DPF3: variants seen among roughly 807,000 people sequenced by gnomAD.
DPF3 encodes zinc finger protein DPF3.
A neutral mutation model predicts 56.8 loss-of-function variants in DPF3; 18 were observed. The observed-to-expected ratio is 0.32, with a 90% confidence interval of 0.22 to 0.47. DPF3 has a LOEUF of 0.47. Ranked by LOEUF, DPF3 falls within the 20% of genes least tolerant of loss-of-function variation. The pLI, the probability that DPF3 is intolerant of heterozygous loss-of-function variation, is 1.00. For missense variants in DPF3, 403 were observed against 488.8 expected, an observed-to-expected ratio of 0.82 and a Z score of 1.65; for synonymous variants, 188 against 180.2, an observed-to-expected ratio of 1.04 and a Z score of -0.35.
chr14:72,749,179 A>G (rs552313271), intron 3 of DPF3, among the ~76,000 whole-genome samples: 21 of 152,382 alleles, frequency 1.4e-4, no homozygotes, highest in South Asian at 8.3e-4. Flanking sequence ...GAGTTGCCCA[A>G]GATCATGGGA....
chr14:72,742,367 T>C (rs1021538100), intron 3 of DPF3: 2 of 152,194 alleles, frequency 1.3e-5, no homozygotes, highest in Non-Finnish European at 1.5e-5. Context: ...AGCCGGAGCG[T>C]CCTTCCCCCT....
At chr14:72,781,356 A>G (rs1026823776) in intron 1 of DPF3, among the ~76,000 whole-genome samples, 5 of 152,332 alleles carry the variant, frequency 3.3e-5, no homozygotes, top group African/African-American at 4.8e-5. Context: ...CCTTCAAAAC[A>G]TCTCAGGAAG....
intron 1 of DPF3, chr14:72,892,110 G>C (rs1886775308): frequency 3.3e-6 from 5 of 1,510,464 alleles, no homozygotes; most frequent in Admixed American, 2.1e-5. Context: ...CGGGCTCCCG[G>C]GTAACTAGGG....
intron 8 of DPF3, among the ~76,000 whole-genome samples, chr14:72,638,161 G>T (rs1885439136): frequency 6.6e-6 from 1 of 152,224 alleles, no homozygotes; most frequent in African/African-American, 2.4e-5. Flanking sequence ...AGGGTCATCG[G>T]TATGAGCAAC....
intron 1 of DPF3, among the ~76,000 whole-genome samples, chr14:72,812,713 G>A (rs1284648983): frequency 1.3e-5 from 2 of 152,238 alleles, no homozygotes; most frequent in South Asian, 2.1e-4. Flanking sequence ...CACTTGTCAT[G>A]TACACTTTTT....
intron 1 of DPF3, among the ~76,000 whole-genome samples, chr14:72,862,401 C>T (rs1854027844): frequency 6.6e-6 from 1 of 152,156 alleles, no homozygotes; most frequent in South Asian, 2.1e-4. Flanking sequence ...TTGTCACATC[C>T]TACTTTCAAT....
At chr14:72,710,581 G>T (rs1208856363) in intron 6 of DPF3, among the ~76,000 whole-genome samples, 1 of 152,208 alleles carries the variant, frequency 6.6e-6, no homozygotes, top group African/African-American at 2.4e-5. Context: ...GAAAATGCAG[G>T]CCCCTTGGCC....
At chr14:72,731,173 AAAAAAG>A (rs533662744) in intron 4 of DPF3, among the ~76,000 whole-genome samples, 27 of 151,938 alleles carry the variant, frequency 1.8e-4, no homozygotes, top group African/African-American at 1.9e-4. Flanking sequence ...CTCTGTCTCA[AAAAAAG>A]AAAAAGAAAA....
intron 9 of DPF3, among the ~76,000 whole-genome samples, chr14:72,629,311 C>T (rs1032713200): frequency 1.3e-5 from 2 of 152,140 alleles, no homozygotes; most frequent in East Asian, 3.8e-4. Context: ...TTCTCTCTGC[C>T]TTTGTATATG....
chr14:72,652,466 G>A (rs1056975420), intron 8 of DPF3, among the ~76,000 whole-genome samples: 10 of 152,190 alleles, frequency 6.6e-5, no homozygotes, highest in Non-Finnish European at 1.3e-4. Flanking sequence ...GTGCTGGGGG[G>A]AGGCGGGGTA....
At chr14:72,782,372 C>T (rs564905216) in intron 1 of DPF3, among the ~76,000 whole-genome samples, 5 of 152,202 alleles carry the variant, frequency 3.3e-5, no homozygotes, top group East Asian at 3.9e-4. Flanking sequence ...TACAGACACA[C>T]GCCACCACAC....
intron 9 of DPF3, among the ~76,000 whole-genome samples, chr14:72,620,468 G>C (rs924625550): frequency 5.3e-5 from 8 of 152,222 alleles, no homozygotes; most frequent in Non-Finnish European, 2.9e-5. Flanking sequence ...GGTTTCATTA[G>C]AATGTAGAAA....
intron 1 of DPF3, among the ~76,000 whole-genome samples, chr14:72,866,010 G>A (rs1885647716): frequency 6.6e-6 from 1 of 152,130 alleles, no homozygotes; most frequent in African/African-American, 2.4e-5. Flanking sequence ...TCACTCCATT[G>A]CACTCCAGCC....
chr14:72,799,836 A>T (rs982313491), intron 1 of DPF3, among the ~76,000 whole-genome samples: 4 of 152,174 alleles, frequency 2.6e-5, no homozygotes, highest in African/African-American at 9.7e-5. Context: ...GGAGCCACCC[A>T]TCAAGCAGGC....
intron 9 of DPF3, among the ~76,000 whole-genome samples, chr14:72,625,559 G>A (rs1343772450): frequency 6.6e-6 from 1 of 152,106 alleles, no homozygotes; most frequent in Non-Finnish European, 1.5e-5. Context: ...AGAGAATGGT[G>A]TTTAGAAACC....
At chr14:72,816,093 T>C (rs1026655073) in intron 1 of DPF3, among the ~76,000 whole-genome samples, 1 of 152,158 alleles carries the variant, frequency 6.6e-6, no homozygotes, top group Non-Finnish European at 1.5e-5. Context: ...GGCCTCTGAA[T>C]CCAAATCCAG....
chr14:72,646,464 C>G (rs1016091809), intron 8 of DPF3, among the ~76,000 whole-genome samples: 1 of 152,210 alleles, frequency 6.6e-6, no homozygotes, highest in Admixed American at 6.5e-5. Flanking sequence ...CAGATAAAAG[C>G]CCTTTGGCCA....
chr14:72,825,888 TG>T (rs113615546), intron 1 of DPF3, among the ~76,000 whole-genome samples: 12 of 151,886 alleles, frequency 7.9e-5, no homozygotes, highest in African/African-American at 2.9e-4. Context: ...GCCATGGAGG[TG>T]GGAGGATTAA....
Position 72,841,822 on chromosome 14 carries a change from C to A in DPF3, c.32+52235G>T, listed in dbSNP as rs1182038834. ...TCAAGGCCAGGCACAGTGGCTTATGCCTATAATCCCAGCACTTTGGGAGGC... is the reference window on the plus strand; with the variant it reads ...TCAAGGCCAGGCACAGTGGCTTATGACTATAATCCCAGCACTTTGGGAGGC... On this transcript the variant is annotated intron_variant, in intron 1 of 10. Coordinates refer to ENST00000556509, the MANE Select transcript of DPF3 (RefSeq NM_001280542.3). 2.0e-5 allele frequency among the ~76,000 whole-genome samples: 3 copies of A among 152,094 alleles called. No individual in the cohort carries two copies. In the East Asian group the frequency reaches 5.8e-4, roughly 29 times the overall value.
Sources: allele counts gnomAD v4.1 joint callset (sites outside exome capture counted in the v4.1 genomes callset), GRCh38; gene constraint gnomAD v4.1.1; transcripts MANE v1.5; gene names NCBI Gene and HGNC (gene_info 2026-07-23, HGNC 2026-07-21).